The following GPR157 variants were observed in gnomAD, a reference collection of about 807,000 sequenced individuals.
The protein encoded by GPR157 is G protein-coupled receptor 157, also known as G-protein coupled receptor 157.
Under a neutral mutation model 23.5 loss-of-function variants are expected in GPR157, and 16 were observed. That is an observed-to-expected ratio of 0.68 (90% CI 0.46 to 1.04). GPR157 has a LOEUF of 1.04. GPR157 is among the 50% of genes least tolerant of loss of function. The pLI, the probability that GPR157 is intolerant of heterozygous loss-of-function variation, is 0.00. For synonymous variants in GPR157, 200 were observed against 221.5 expected (o/e 0.90, Z 0.86); for missense variants, 440 against 460.7 (o/e 0.96, Z 0.41).
chr1:9,123,257 T>TATTTAAA (rs1638849314), intron 1 of GPR157, among the ~76,000 whole-genome samples: 1 of 26,928 alleles, frequency 3.7e-5, no homozygotes, highest in African/African-American at 1.9e-4. Context: ...TAAATATATA[T>TATTTAAA]TTAAATATAT....
At chr1:9,127,769 T>C (rs987311542) in intron 1 of GPR157, among the ~76,000 whole-genome samples, 2 of 152,144 alleles carry the variant, frequency 1.3e-5, no homozygotes, top group Non-Finnish European at 1.5e-5. Context: ...AAAGGACCTA[T>C]AATTAGGGCA....
intron 1 of GPR157, among the ~76,000 whole-genome samples, chr1:9,112,041 T>C (rs1035316363): frequency 6.6e-6 from 1 of 152,254 alleles, no homozygotes; most frequent in Non-Finnish European, 1.5e-5. Flanking sequence ...GTGTGTTTGC[T>C]GCTGTCGTGA....
At position 9,128,763 on chromosome 1, in the gene GPR157, C is replaced by G. The variant is rs778230806; in HGVS notation, c.265G>C (p.Ala89Pro). Reference sequence around the variant, plus strand: ...GTCCAGAAGAAGGAGCTGGTGTTGGCGAAGGTGGACAGCGCGCCCTGCAGC... The same window carrying G: ...GTCCAGAAGAAGGAGCTGGTGTTGGGGAAGGTGGACAGCGCGCCCTGCAGC... The part of the protein sequence containing the change: ...CVLQGALSTF[A>P]NTSSFFWTVA... The change falls in exon 1 of 4, where the codon GCC (alanine) becomes CCC (proline). Residue 89 changes from alanine to proline, a missense_variant. Coordinates refer to ENST00000377411, the MANE Select transcript of GPR157 (RefSeq NM_024980.5). The surrounding 1 kb of genome is among the most constrained non-coding windows in gnomAD (Gnocchi z 6.3). 8.7e-6 allele frequency: 14 copies of G among 1,612,364 alleles called. No homozygotes were observed. The highest frequency in any genetic ancestry group is 1.0e-5 in the Non-Finnish European group (12 of 1,179,330).
chr1:9,101,054 G>A lies in GPR157; in HGVS notation c.*3365C>T, dbSNP rs1178201043. ...AGAAGTAACAGCCCCTCCTGGACTT[G>A]TTTTATTTTTTGAGATGGAGTCTTG... is the stretch of plus-strand genomic sequence containing the variant. On this transcript the variant is annotated 3_prime_UTR_variant, in exon 4 of 4. Transcript: ENST00000377411. 6.6e-6 allele frequency: 1 copy of A among 150,932 alleles called. No individual in the cohort carries two copies. The highest frequency in any genetic ancestry group is 1.5e-5 in the Non-Finnish European group (1 of 67,796). 9.3% of individuals were successfully genotyped at this position (150,932 alleles called of 1,614,324 possible). A position where few individuals can be genotyped will look rare whatever the true frequency, so the allele number is the denominator to read the frequency against.
chr1:9,126,906 A>T (rs964496252), intron 1 of GPR157, among the ~76,000 whole-genome samples: 6 of 151,462 alleles, frequency 4.0e-5, no homozygotes, highest in South Asian at 2.1e-4. Context: ...TTTTTTAAAA[A>T]TTTTTTTCTT....
rs371147802 is a variant in GPR157 at position 9,111,506 on chromosome 1, G to C, written c.384-17C>G. 5 of 1,606,732 alleles carry C rather than the reference G, an allele frequency of 3.1e-6. No homozygotes were observed. In the Admixed American group the frequency reaches 6.7e-5, roughly 21 times the overall value. On this transcript the variant is annotated splice_polypyrimidine_tract_variant and intron_variant, in intron 1 of 3. Coordinates refer to ENST00000377411, the MANE Select transcript of GPR157 (RefSeq NM_024980.5). The stretch of plus-strand genomic sequence containing the variant: ...ACCCCCCAGCTGAGGAAGGAGGAGA[G>C]AAAGAGGCATCGGGGTCAGGCCATG...
At chr1:9,104,728 C>A in intron 3 of GPR157, 94 bp from the exon 4 acceptor site, 3 of 884,544 alleles carry the variant, frequency 3.4e-6, no homozygotes, top group Non-Finnish European at 5.2e-6. Flanking sequence ...AGGCTGGGTG[C>A]GGTGGCTCAC....
In GPR157 at chr1:9,128,529, C is replaced by T; in HGVS notation, c.383+116G>A. 1.0e-6 allele frequency: 1 copy of T among 983,906 alleles called. No individual in the cohort carries two copies. 60.9% of individuals were successfully genotyped at this position (983,906 alleles called of 1,614,324 possible). Reference sequence around the variant, plus strand: ...GGACAGCCTCGGGGGCGCCAGCAGGCACTGCTTGCTGTGGGTAGGGGGTGT... The same window carrying T: ...GGACAGCCTCGGGGGCGCCAGCAGGTACTGCTTGCTGTGGGTAGGGGGTGT... On this transcript the variant is annotated intron_variant, in intron 1 of 3. Coordinates refer to ENST00000377411, the MANE Select transcript of GPR157 (RefSeq NM_024980.5). The surrounding 1 kb of genome is among the most constrained non-coding windows in gnomAD (Gnocchi z 6.3).
At position 9,104,562 on chromosome 1, in the gene GPR157, G is replaced by A. The variant is rs764533868; in HGVS notation, c.865C>T (p.Arg289Trp). The A allele has an allele frequency of 9.3e-6, 15 of 1,613,848 alleles. No homozygotes were observed. Among genetic ancestry groups the A allele is most frequent in the Admixed American group, 3.3e-5 (2 of 59,990 alleles). The part of the protein sequence containing the change: ...FVLCTRAVRT[R>W]LFSLCCCCCS... ...CAGCAGCAACAGAGAGAGAAGAGCC[G>A]AGTTCGGACGGCGCGGGTGCAGAGG... The change falls in exon 4 of 4, where the codon CGG becomes TGG. Residue 289 changes from arginine to tryptophan, a missense_variant. Coordinates refer to ENST00000377411, the MANE Select transcript of GPR157 (RefSeq NM_024980.5).
chr1:9,114,956 T>C (rs1365160649), intron 1 of GPR157, among the ~76,000 whole-genome samples: 1 of 146,154 alleles, frequency 6.8e-6, no homozygotes, highest in African/African-American at 2.5e-5. Context: ...TAAAAGAATA[T>C]GGGCCTGATC....
intron 1 of GPR157, among the ~76,000 whole-genome samples, chr1:9,114,564 C>G (rs1557697140): frequency 6.6e-6 from 1 of 152,122 alleles, no homozygotes; most frequent in African/African-American, 2.4e-5. Flanking sequence ...GTCGGCACAG[C>G]ACTCCTTTGG....
chr1:9,104,383 G>T lies in GPR157; in HGVS notation c.*36C>A. 1 of 1,526,016 alleles carries T rather than the reference G, an allele frequency of 6.6e-7. No homozygotes were observed. The highest frequency in any genetic ancestry group is 9.1e-7 in the Non-Finnish European group (1 of 1,103,484). The allele number at this position is 1,526,016 out of a possible 1,614,324, so 94.5% of individuals were successfully genotyped here. A position where few individuals can be genotyped will look rare whatever the true frequency, so the allele number is the denominator to read the frequency against. ...CACAGAAGTGCCTACCCCCAGGAAG[G>T]CAGCACCTATGCACAGAACTAGAAA... On this transcript the variant is annotated 3_prime_UTR_variant, in exon 4 of 4. Transcript: ENST00000377411.
At chr1:9,127,425 T>C (rs576516555) in intron 1 of GPR157, among the ~76,000 whole-genome samples, 14 of 152,254 alleles carry the variant, frequency 9.2e-5, no homozygotes, top group African/African-American at 3.4e-4. Context: ...GTACACACGA[T>C]CTCCCGTGTA....
rs1243241951 is a variant in GPR157 at position 9,120,123 on chromosome 1, T to C, written c.383+8522A>G. 2.0e-5 allele frequency among the ~76,000 whole-genome samples: 3 copies of C among 152,040 alleles called. No individual in the cohort carries two copies. The highest frequency in any genetic ancestry group is 4.4e-5 in the Non-Finnish European group (3 of 68,000). On this transcript the variant is annotated intron_variant, in intron 1 of 3. Transcript: ENST00000377411. This position sits in a 1 kb window ranked among gnomAD's most constrained non-coding sequence, Gnocchi z 4.1. ...CTCCACTTCACACACAAATGGACAG[T>C]TATATTGAAAAGCAGCCCACTGGTT...
chr1:9,123,318 A>AAAATATATATATTTAATTT (rs1487784617), intron 1 of GPR157, among the ~76,000 whole-genome samples: 7 of 23,830 alleles, frequency 2.9e-4, no homozygotes, highest in Non-Finnish European at 5.9e-4. Context: ...AATATATATT[A>AAAATATATATATTTAATTT]AAATATATAT....
rs773313111 is a variant in GPR157 at position 9,105,422 on chromosome 1, G to A, written c.792+64C>T. On this transcript the variant is annotated intron_variant, in intron 3 of 3. Coordinates refer to ENST00000377411, the MANE Select transcript of GPR157 (RefSeq NM_024980.5). The surrounding 1 kb of genome is among the most constrained non-coding windows in gnomAD (Gnocchi z 4.8). ...CTGGGGTGCAGCCACTGTGCTGCGG[G>A]AAGGAATCAGGCTGTGCCTCCTCTG... 4.2e-6 allele frequency: 6 copies of A among 1,418,132 alleles called. No homozygotes were observed. The highest frequency in any genetic ancestry group is 5.7e-6 in the Non-Finnish European group (6 of 1,051,590). 87.8% of individuals were successfully genotyped at this position (1,418,132 alleles called of 1,614,324 possible).
Position 9,103,567 on chromosome 1 carries a change from G to A in GPR157, c.*852C>T. The A allele has an allele frequency of 6.6e-6, 1 of 152,174 alleles. No homozygotes were observed. Among genetic ancestry groups the A allele is most frequent in the East Asian group, 1.9e-4 (1 of 5,198 alleles). 9.4% of individuals were successfully genotyped at this position (152,174 alleles called of 1,614,324 possible). A position where few individuals can be genotyped will look rare whatever the true frequency, so the allele number is the denominator to read the frequency against. On this transcript the variant is annotated 3_prime_UTR_variant, in exon 4 of 4. Coordinates refer to ENST00000377411, the MANE Select transcript of GPR157 (RefSeq NM_024980.5). ...AACCCCTCCCTACTCATCCCCTTTG[G>A]TCTCCCCAAGAAGAGGAGGATTCTA...
rs529795826 is a variant in GPR157 at position 9,118,984 on chromosome 1, G to A, written c.384-7495C>T. Among the ~76,000 whole-genome samples, 65 of 151,754 alleles carry A rather than the reference G, an allele frequency of 4.3e-4. No individual in the cohort carries two copies. The highest frequency in any genetic ancestry group is 1.6e-4 in the Non-Finnish European group (11 of 67,958). On this transcript the variant is annotated intron_variant, in intron 1 of 3. Coordinates refer to ENST00000377411, the MANE Select transcript of GPR157 (RefSeq NM_024980.5). The surrounding 1 kb of genome is among the most constrained non-coding windows in gnomAD (Gnocchi z 4.6). The stretch of plus-strand genomic sequence containing the variant: ...CAGGAGGTTGAGGCTGCAGTGAGCC[G>A]TGACTGTGCCACTGCACTCTAGCCT...
At chr1:9,117,412 G>A (rs565963408) in intron 1 of GPR157, among the ~76,000 whole-genome samples, 1 of 152,308 alleles carries the variant, frequency 6.6e-6, no homozygotes, top group African/African-American at 2.4e-5. Context: ...TCTGATAGGT[G>A]CTCCACAAAC....
Sources: allele counts gnomAD v4.1 joint callset (sites outside exome capture counted in the v4.1 genomes callset), GRCh38; gene constraint gnomAD v4.1.1; non-coding constraint Gnocchi (gnomAD v3.1); transcripts MANE v1.5; gene names NCBI Gene and HGNC (gene_info 2026-07-23, HGNC 2026-07-21).